RSL24D1: variants seen among roughly 807,000 people sequenced by gnomAD.
RSL24D1 encodes the protein ribosomal L24 domain containing 1.
Under a neutral mutation model 26.2 loss-of-function variants are expected in RSL24D1, and 6 were observed. That is an observed-to-expected ratio of 0.23 (90% CI 0.13 to 0.45). The LOEUF is 0.45. Among genes scored for constraint, RSL24D1 ranks in the 20% least tolerant of loss-of-function variants. The probability of loss-of-function intolerance (pLI) is 0.99; values close to 1 mark genes in which losing one functional copy is unlikely to be tolerated. For missense variants in RSL24D1, 176 were observed against 202.6 expected (o/e 0.87, Z 0.80); for synonymous variants, 61 against 59.1 (o/e 1.03, Z -0.15).
At chr15:55,187,021 C>T (rs1258662179) in intron 3 of RSL24D1, among the ~76,000 whole-genome samples, 1 of 152,148 alleles carries the variant, frequency 6.6e-6, no homozygotes, top group African/African-American at 2.4e-5. Flanking sequence ...GAAATTAGGT[C>T]AAAATAAAAA....
chr15:55,188,848 A>G (rs968912673), intron 3 of RSL24D1, among the ~76,000 whole-genome samples: 2 of 152,236 alleles, frequency 1.3e-5, no homozygotes, highest in Non-Finnish European at 2.9e-5. Context: ...TCAAGTAATA[A>G]TAACAACAAC....
chr15:55,181,993 T>C lies in RSL24D1; in HGVS notation c.*159A>G. The stretch of plus-strand genomic sequence containing the variant: ...TTTAACACTGAGATGCAATCTAACA[T>C]CCGTAATATCTGATATTATGTAGAT... On this transcript the variant is annotated 3_prime_UTR_variant, in exon 6 of 6. Transcript: ENST00000260443. The C allele has an allele frequency of 1.8e-6, 1 of 555,284 alleles. No homozygotes were observed. Among genetic ancestry groups the C allele is most frequent in the Non-Finnish European group, 3.2e-6 (1 of 308,476 alleles). The allele number at this position is 555,284 out of a possible 1,614,324, so 34.4% of individuals were successfully genotyped here.
chr15:55,194,105 A>T, intron 1 of RSL24D1: 1 of 152,150 alleles, frequency 6.6e-6, no homozygotes, highest in East Asian at 1.9e-4. Context: ...TCAATTCCAA[A>T]TAGACCCAAT....
At chr15:55,186,798 T>A (rs1336755379) in intron 3 of RSL24D1, among the ~76,000 whole-genome samples, 1 of 136,440 alleles carries the variant, frequency 7.3e-6, no homozygotes, top group Non-Finnish European at 1.5e-5. Context: ...AGTGTGGTTA[T>A]GTGAGAATGC....
At chr15:55,183,954 C>T (rs572797580) in intron 4 of RSL24D1, among the ~76,000 whole-genome samples, 1 of 152,252 alleles carries the variant, frequency 6.6e-6, no homozygotes, top group South Asian at 2.1e-4. Context: ...TGTTACAGTG[C>T]CTAGATCTTT....
intron 3 of RSL24D1, among the ~76,000 whole-genome samples, chr15:55,189,798 G>A (rs1353605027): frequency 6.6e-6 from 1 of 152,160 alleles, no homozygotes; most frequent in Admixed American, 6.5e-5. Context: ...CTGACTGGAG[G>A]ACACAAAGGG....
rs1050586238 is a variant in RSL24D1 at position 55,181,339 on chromosome 15, T to C, written c.*813A>G. On this transcript the variant is annotated 3_prime_UTR_variant, in exon 6 of 6. Transcript: ENST00000260443. ...TTACTTTTTAAATGGTTTTATTTTA[T>C]GTACAAATAATGAACATACGTTGTA... 1 of 152,774 alleles carries C rather than the reference T, an allele frequency of 6.5e-6. No homozygotes were observed. Among genetic ancestry groups the C allele is most frequent in the East Asian group, 1.9e-4 (1 of 5,190 alleles). 9.5% of individuals were successfully genotyped at this position (152,774 alleles called of 1,614,324 possible).
intron 3 of RSL24D1, among the ~76,000 whole-genome samples, chr15:55,186,018 T>C (rs151120245): frequency 6.6e-6 from 1 of 152,330 alleles, no homozygotes; most frequent in Non-Finnish European, 1.5e-5. Flanking sequence ...TTTTAAATTT[T>C]CTAGTAGCCG....
chr15:55,191,594 C>G (rs149932954), intron 2 of RSL24D1, among the ~76,000 whole-genome samples: 63 of 152,276 alleles, frequency 4.1e-4, no homozygotes, highest in African/African-American at 1.4e-3. Flanking sequence ...GAATAAAAGT[C>G]AGGCCCTACA....
At chr15:55,192,994 T>C (rs1035484066) in intron 1 of RSL24D1, among the ~76,000 whole-genome samples, 161 bp from the exon 2 acceptor site, 3 of 152,216 alleles carry the variant, frequency 2.0e-5, no homozygotes, top group Non-Finnish European at 2.9e-5. Context: ...TTTTTGACTA[T>C]CAAACATCAT....
Position 55,196,898 on chromosome 15 carries a change from C to T in RSL24D1, c.-8G>A, listed in dbSNP as rs778541204. ...ACACTTTTCGATACGCATGTTGAAC[C>T]CGCGTGTAACCCCACCAAACAAACG... On this transcript the variant is annotated 5_prime_UTR_variant, in exon 1 of 6. Transcript: ENST00000260443. The T allele has an allele frequency of 6.2e-7, 1 of 1,613,632 alleles. No homozygotes were observed. Among genetic ancestry groups the T allele is most frequent in the African/African-American group, 1.3e-5 (1 of 74,882 alleles).
intron 4 of RSL24D1, among the ~76,000 whole-genome samples, chr15:55,184,604 G>A (rs1894204421): frequency 6.6e-6 from 1 of 152,144 alleles, no homozygotes; most frequent in African/African-American, 2.4e-5. Context: ...CAAGTTTGAG[G>A]AGTAATAGGC....
intron 3 of RSL24D1, among the ~76,000 whole-genome samples, chr15:55,190,405 AAAACAAAAC>A (rs1372623979): frequency 2.0e-5 from 3 of 149,304 alleles, no homozygotes; most frequent in Non-Finnish European, 4.5e-5. Context: ...AAAACAAAAC[AAAACAAAAC>A]AAAAAAAACA....
Position 55,196,923 on chromosome 15 carries a change from G to C in RSL24D1, c.-33C>G. On this transcript the variant is annotated 5_prime_UTR_variant, in exon 1 of 6. Coordinates refer to ENST00000260443, the MANE Select transcript of RSL24D1 (RefSeq NM_016304.3). ...CCGCGTGTAACCCCACCAAACAAAC[G>C]CCAAGCTTGAGAGGAAGTGATGCAA... The C allele has an allele frequency of 6.2e-7, 1 of 1,605,552 alleles. No individual in the cohort carries two copies. Among genetic ancestry groups the C allele is most frequent in the South Asian group, 1.1e-5 (1 of 90,814 alleles).
chr15:55,189,210 A>G (rs894860666), intron 3 of RSL24D1, among the ~76,000 whole-genome samples: 13 of 151,270 alleles, frequency 8.6e-5, no homozygotes, highest in South Asian at 2.1e-4. Flanking sequence ...AAAAAAAAAA[A>G]AAAGAAATGC....
intron 3 of RSL24D1, among the ~76,000 whole-genome samples, chr15:55,189,737 T>C (rs1182916605): frequency 6.6e-6 from 1 of 152,156 alleles, no homozygotes; most frequent in African/African-American, 2.4e-5. Flanking sequence ...AAGGTATAAA[T>C]ACTACCACAA....
At chr15:55,191,675 T>C (rs940102451) in intron 2 of RSL24D1, among the ~76,000 whole-genome samples, 4 of 152,232 alleles carry the variant, frequency 2.6e-5, no homozygotes, top group Admixed American at 6.5e-5. Context: ...ATGATCCTTT[T>C]AATCTTAAAA....
chr15:55,192,089 G>A (rs1423761280), intron 2 of RSL24D1, among the ~76,000 whole-genome samples: 1 of 152,190 alleles, frequency 6.6e-6, no homozygotes, highest in African/African-American at 2.4e-5. Flanking sequence ...GGTGGGAAAT[G>A]GGTCATTGGT....
intron 2 of RSL24D1, 63 bp from the exon 3 acceptor site, chr15:55,191,110 TTAAA>T: frequency 8.9e-7 from 1 of 1,125,006 alleles, no homozygotes; most frequent in Non-Finnish European, 1.3e-6. Context: ...GAAACATTTC[TTAAA>T]ACGTCTTCCT....
Sources: allele counts gnomAD v4.1 joint callset (sites outside exome capture counted in the v4.1 genomes callset), GRCh38; gene constraint gnomAD v4.1.1; transcripts MANE v1.5; gene names NCBI Gene and HGNC (gene_info 2026-07-23, HGNC 2026-07-21).